Variants in AHRR observed in about 807,000 individuals in gnomAD.
AHRR encodes the protein ahR repressor.
In AHRR, 28 loss-of-function variants were observed where a neutral mutation model predicts 44.0. The observed-to-expected ratio is 0.64, with a 90% CI of 0.47 to 0.87. The LOEUF (loss-of-function observed/expected upper bound fraction) is 0.87, where lower values mean the gene tolerates loss of function less well. AHRR is among the 40% of genes least tolerant of loss of function. The probability of loss-of-function intolerance (pLI) is 0.00; values close to 1 mark genes in which losing one functional copy is unlikely to be tolerated. For synonymous variants in AHRR, 434 were observed against 407.0 expected, an observed-to-expected ratio of 1.07 and a Z score of -0.80; for missense variants, 990 against 953.9, an observed-to-expected ratio of 1.04 and a Z score of -0.50.
At chr5:374,750 C>A (rs900927208) in intron 3 of AHRR, among the ~76,000 whole-genome samples, 1 of 152,248 alleles carries the variant, frequency 6.6e-6, no homozygotes, top group Non-Finnish European at 1.5e-5. Context: ...CCTCGCCCCC[C>A]ACGGACACCT....
intron 4 of AHRR, among the ~76,000 whole-genome samples, chr5:384,942 A>C (rs952303173): frequency 2.0e-4 from 31 of 151,810 alleles, no homozygotes; most frequent in Non-Finnish European, 3.7e-4. Context: ...TCAGGAGTTC[A>C]AGATCAGCCT....
chr5:351,239 C>T (rs1278635120), intron 2 of AHRR, among the ~76,000 whole-genome samples: 1 of 152,202 alleles, frequency 6.6e-6, no homozygotes. Flanking sequence ...GACCCAGCAA[C>T]TCTACTGCTA....
intron 8 of AHRR, among the ~76,000 whole-genome samples, chr5:429,332 G>A (rs900639933): frequency 6.6e-5 from 10 of 152,246 alleles, no homozygotes; most frequent in South Asian, 2.1e-4. Flanking sequence ...GGCCGGGGCC[G>A]CCAGGATGCC....
At chr5:360,614 G>C (rs1227762575) in intron 3 of AHRR, among the ~76,000 whole-genome samples, 2 of 152,232 alleles carry the variant, frequency 1.3e-5, no homozygotes, top group East Asian at 3.9e-4. Context: ...TGTGGTCGTA[G>C]AGAACACACG....
intron 2 of AHRR, among the ~76,000 whole-genome samples, chr5:353,089 C>T (rs1742915301): frequency 6.6e-6 from 1 of 152,118 alleles, no homozygotes; most frequent in African/African-American, 2.4e-5. Context: ...GTAGAGCAGG[C>T]CTGCTCTGGC....
intron 3 of AHRR, among the ~76,000 whole-genome samples, chr5:375,353 C>T (rs897809728): frequency 6.6e-6 from 1 of 152,176 alleles, no homozygotes; most frequent in Non-Finnish European, 1.5e-5. Context: ...TCTTGCTGAG[C>T]AGTGGGGTGG....
intron 5 of AHRR, among the ~76,000 whole-genome samples, chr5:414,137 C>T (rs1424976558): frequency 2.6e-5 from 4 of 152,064 alleles, no homozygotes; most frequent in Non-Finnish European, 5.9e-5. Context: ...GTGGCGTGCA[C>T]CCGTAGTCCC....
rs375170148 is a variant in AHRR at position 398,210 on chromosome 5, A to G, written c.352-15134A>G. ...CTGACCATCCACGTAGCTCCTGACCATCCACGTAGCTCCTGACCATCCATG... is the reference window on the plus strand; with the variant it reads ...CTGACCATCCACGTAGCTCCTGACCGTCCACGTAGCTCCTGACCATCCATG... On this transcript the variant is annotated intron_variant, in intron 4 of 10. Transcript: ENST00000684583. Among the ~76,000 whole-genome samples the G allele has an allele frequency of 8.1e-4, 73 of 89,590 alleles. 11 individuals carry two copies. The African/African-American group carries it at 0.012, about 14-fold the overall frequency. 58.8% of individuals were successfully genotyped at this position (89,590 alleles called of 152,430 possible).
In AHRR at chr5:404,417, T is replaced by C. The variant is rs1409505849; in HGVS notation, c.352-8927T>C. 4 of 538,746 alleles carry C rather than the reference T, an allele frequency of 7.4e-6. No homozygotes were observed. Among genetic ancestry groups the C allele is most frequent in the Non-Finnish European group, 1.5e-5 (4 of 264,572 alleles). The allele number at this position is 538,746 out of a possible 1,614,324, so 33.4% of individuals were successfully genotyped here. ...TTGCATGATTTAGGAAGGAGAGTCTTGGGGCAGAAGCAACAGGGGACCACT... is the reference window on the plus strand; with the variant it reads ...TTGCATGATTTAGGAAGGAGAGTCTCGGGGCAGAAGCAACAGGGGACCACT... On this transcript the variant is annotated intron_variant, in intron 4 of 10. Transcript: ENST00000684583. The surrounding 1 kb of genome is among the most constrained non-coding windows in gnomAD (Gnocchi z 4.1).
intron 4 of AHRR, among the ~76,000 whole-genome samples, chr5:382,438 G>C (rs1392963436): frequency 6.6e-6 from 1 of 152,176 alleles, no homozygotes; most frequent in African/African-American, 2.4e-5. Context: ...TGTGATATCA[G>C]AGTTGTTCAT....
intron 3 of AHRR, 112 bp from the exon 4 acceptor site, chr5:376,498 G>C: frequency 2.0e-5 from 1 of 50,792 alleles, no homozygotes; most frequent in Non-Finnish European, 4.7e-5. Context: ...CAGGCCAGAT[G>C]TCAGGTGAGA....
chr5:401,275 T>A (rs1300721837), intron 4 of AHRR, among the ~76,000 whole-genome samples: 2 of 151,892 alleles, frequency 1.3e-5, no homozygotes, highest in East Asian at 3.9e-4. Context: ...TGAGGCACAG[T>A]GGTAGTTTGG....
chr5:349,505 C>T (rs370471994), intron 2 of AHRR, among the ~76,000 whole-genome samples: 57 of 151,120 alleles, frequency 3.8e-4, no homozygotes, highest in Middle Eastern at 3.4e-3. Flanking sequence ...GCGTGAACTC[C>T]GGAGGCAGAG....
At chr5:374,416 C>T (rs1743705774) in intron 3 of AHRR, among the ~76,000 whole-genome samples, 1 of 152,242 alleles carries the variant, frequency 6.6e-6, no homozygotes, top group South Asian at 2.1e-4. Context: ...TGAACTGTGG[C>T]GTCTCTGGCT....
In AHRR at chr5:379,824, G is replaced by GA. The variant is rs77033372; in HGVS notation, c.351+3111dup. Among the ~76,000 whole-genome samples, 153 of 152,330 alleles carry GA rather than the reference G, an allele frequency of 1.0e-3. No homozygotes were observed. In the East Asian group the frequency reaches 0.024, roughly 24 times the overall value. On this transcript the variant is annotated intron_variant, in intron 4 of 10. Transcript: ENST00000684583. ...CTTTTGACAGGATATTACAGATAGT[G>GA]AAAGTATTCCATTTTGATTAAGTTT...
chr5:398,292 T>C (rs962304208), intron 4 of AHRR, among the ~76,000 whole-genome samples: 30 of 148,896 alleles, frequency 2.0e-4, no homozygotes, highest in African/African-American at 5.8e-4. Context: ...TGACCATCCG[T>C]GTTAGCCCCT....
At chr5:376,843 G>A in intron 4 of AHRR, 127 bp downstream of exon 4, 2 of 803,630 alleles carry the variant, frequency 2.5e-6, no homozygotes, top group Admixed American at 2.4e-5. Context: ...AGGTTGTGAG[G>A]TTTATAACTG....
chr5:420,922 G>A (rs866063220), intron 5 of AHRR: 5 of 317,882 alleles, frequency 1.6e-5, no homozygotes, highest in Admixed American at 5.0e-5. Flanking sequence ...ATCCAGGCAC[G>A]CACACGCAGC....
intron 4 of AHRR, among the ~76,000 whole-genome samples, chr5:399,576 G>T (rs1420004573): frequency 6.6e-6 from 1 of 152,192 alleles, no homozygotes; most frequent in African/African-American, 2.4e-5. Context: ...CCTCACAGAC[G>T]CTCACTGTTG....
Sources: allele counts gnomAD v4.1 joint callset (sites outside exome capture counted in the v4.1 genomes callset), GRCh38; gene constraint gnomAD v4.1.1; non-coding constraint Gnocchi (gnomAD v3.1); transcripts MANE v1.5; gene names NCBI Gene and HGNC (gene_info 2026-07-23, HGNC 2026-07-21).